Variants in TTC23 observed in about 807,000 individuals in gnomAD.
TTC23 encodes tetratricopeptide repeat protein 23.
TTC23 carries 58 observed loss-of-function variants against 55.1 expected under a neutral mutation model. The observed-to-expected ratio is 1.05, with a 90% CI of 0.85 to 1.31. The LOEUF (loss-of-function observed/expected upper bound fraction) is 1.31. TTC23 is among the 50% of genes most tolerant of loss of function. TTC23 has a pLI of 0.00. For synonymous variants in TTC23, 203 were observed against 199.9 expected (o/e 1.02, Z -0.13); for missense variants, 516 against 534.4 (o/e 0.97, Z 0.34).
At position 99,207,574 on chromosome 15, in the gene TTC23, C is replaced by A. The variant is rs186798546; in HGVS notation, c.582-7478G>T. Among the ~76,000 whole-genome samples, 1,069 of 152,096 alleles carry A rather than the reference C, an allele frequency of 7.0e-3. 9 individuals carry two copies. Among genetic ancestry groups the A allele is most frequent in the African/African-American group, 0.025 (1,037 of 41,508 alleles). ...CAGGAGTTCAAGACCAGCCTGGCCA[C>A]GGTGAAACCCCGTCTCTACTAAAAA... On this transcript the variant is annotated intron_variant, in intron 8 of 13. Transcript: ENST00000394132.
At chr15:99,211,391 A>C (rs530117195) in intron 8 of TTC23, among the ~76,000 whole-genome samples, 15 of 152,232 alleles carry the variant, frequency 9.9e-5, no homozygotes, top group South Asian at 4.1e-4. Flanking sequence ...AACAAACAAA[A>C]AAAAAGAAGA....
At chr15:99,220,634 C>T (rs1033903498) in intron 6 of TTC23, among the ~76,000 whole-genome samples, 2 of 152,144 alleles carry the variant, frequency 1.3e-5, no homozygotes, top group African/African-American at 4.8e-5. Context: ...TCAGATTTGG[C>T]CAAATTTATT....
At chr15:99,209,891 C>T (rs538674883) in intron 8 of TTC23, among the ~76,000 whole-genome samples, 7 of 152,144 alleles carry the variant, frequency 4.6e-5, no homozygotes, top group East Asian at 1.9e-4. Context: ...TATGCTACAA[C>T]GCCTGGCTAA....
intron 8 of TTC23, among the ~76,000 whole-genome samples, chr15:99,216,269 A>G (rs2077467776): frequency 6.6e-6 from 1 of 152,206 alleles, no homozygotes; most frequent in South Asian, 2.1e-4. Context: ...GCTTCATGAT[A>G]AAATATATGG....
intron 12 of TTC23, chr15:99,139,857 G>A: frequency 1.2e-6 from 1 of 853,170 alleles, no homozygotes; most frequent in Non-Finnish European, 1.6e-6. Context: ...TAGTTATTAG[G>A]AACCAAATAT....
rs2151818591 is a variant in TTC23 at position 99,138,018 on chromosome 15, C to CTGTTG, written c.1331_1335dup (p.Ala446GlnfsTer21). Reference sequence around the variant, plus strand: ...TTTTCAGGGTGGGGGCCTCAGTCTGCTGTTGTGCCGGGCCGGGCCTTCCCC... The same window carrying CTGTTG: ...TTTTCAGGGTGGGGGCCTCAGTCTGCTGTTGTGTTGTGCCGGGCCGGGCCTTCCCC... On this transcript the variant is annotated frameshift_variant, in exon 14 of 14. Transcript: ENST00000394132. LOFTEE classifies it high-confidence loss of function. 9 of 1,614,110 alleles carry CTGTTG rather than the reference C, an allele frequency of 5.6e-6. No individual in the cohort carries two copies. The South Asian group carries it at 8.8e-5, about 16-fold the overall frequency.
At chr15:99,187,710 T>C (rs961144081) in intron 9 of TTC23, among the ~76,000 whole-genome samples, 7 of 152,038 alleles carry the variant, frequency 4.6e-5, no homozygotes, top group African/African-American at 1.4e-4. Context: ...CATGAAGATA[T>C]ATAAATGGCC....
At chr15:99,207,617 C>T (rs148724058) in intron 8 of TTC23, among the ~76,000 whole-genome samples, 2,872 of 152,102 alleles carry the variant, frequency 0.019, 87 homozygotes, top group African/African-American at 0.065. Context: ...ATTAGCTGGG[C>T]CTGGTGGCAT....
chr15:99,146,637 T>C (rs1555493460), intron 12 of TTC23, among the ~76,000 whole-genome samples: 1 of 152,236 alleles, frequency 6.6e-6, no homozygotes, highest in Non-Finnish European at 1.5e-5. Flanking sequence ...TCTGAGGCAC[T>C]GTACACTCAC....
chr15:99,244,808 C>G (rs962921663), intron 2 of TTC23, among the ~76,000 whole-genome samples: 2 of 151,846 alleles, frequency 1.3e-5, no homozygotes, highest in African/African-American at 2.4e-5. Context: ...GATGGAAATA[C>G]GAGACTAAGA....
chr15:99,152,231 C>T (rs1043366240), intron 12 of TTC23, among the ~76,000 whole-genome samples: 8 of 152,100 alleles, frequency 5.3e-5, no homozygotes, highest in Non-Finnish European at 8.8e-5. Context: ...TCCCACTTTG[C>T]CTTCTGCCGT....
chr15:99,217,967 C>T (rs930327689), intron 8 of TTC23, among the ~76,000 whole-genome samples: 1 of 152,224 alleles, frequency 6.6e-6, no homozygotes, highest in Admixed American at 6.5e-5. Context: ...CAACACAGAC[C>T]TTTCTCCACC....
intron 6 of TTC23, among the ~76,000 whole-genome samples, 193 bp downstream of exon 6, chr15:99,221,548 T>G (rs1195937411): frequency 6.6e-6 from 1 of 152,194 alleles, no homozygotes; most frequent in African/African-American, 2.4e-5. Context: ...AGTTAAAATA[T>G]TTTTTCCATT....
At chr15:99,211,537 C>T (rs2077041000) in intron 8 of TTC23, among the ~76,000 whole-genome samples, 1 of 152,076 alleles carries the variant, frequency 6.6e-6, no homozygotes, top group African/African-American at 2.4e-5. Context: ...AAGTACAAAA[C>T]CTTAATATGT....
intron 8 of TTC23, among the ~76,000 whole-genome samples, chr15:99,216,429 C>T (rs144789435): frequency 1.5e-4 from 22 of 151,678 alleles, no homozygotes; most frequent in African/African-American, 5.1e-4. Flanking sequence ...TTCTAAGCCA[C>T]GAAGAACACC....
intron 8 of TTC23, among the ~76,000 whole-genome samples, chr15:99,212,648 G>A (rs1479557570): frequency 6.6e-6 from 1 of 152,074 alleles, no homozygotes; most frequent in Non-Finnish European, 1.5e-5. Flanking sequence ...GTTGCGATGG[G>A]CACCATAAAA....
At chr15:99,234,116 G>C (rs974963138) in intron 4 of TTC23, among the ~76,000 whole-genome samples, 3 of 152,090 alleles carry the variant, frequency 2.0e-5, no homozygotes, top group Admixed American at 6.5e-5. Context: ...CCATGCATTA[G>C]GCAAAGCTTT....
chr15:99,228,822 C>G lies in TTC23; in HGVS notation c.-20-90G>C, dbSNP rs533551533. ...CATTTCAACACTATACCCATAATTT[C>G]TTTGAAATTAGTAGCATTATATCCC... is the stretch of plus-strand genomic sequence containing the variant. On this transcript the variant is annotated intron_variant, in intron 4 of 13. Coordinates refer to ENST00000394132, the MANE Select transcript of TTC23 (RefSeq NM_001288615.3). 2.6e-5 allele frequency: 28 copies of G among 1,091,608 alleles called. 1 individual carries two copies. In the African/African-American group the frequency reaches 3.5e-4, roughly 14 times the overall value. The allele number at this position is 1,091,608 out of a possible 1,614,324, so 67.6% of individuals were successfully genotyped here.
At chr15:99,226,808 T>G (rs8029430) in intron 5 of TTC23, among the ~76,000 whole-genome samples, 232 of 152,280 alleles carry the variant, frequency 1.5e-3, no homozygotes, top group African/African-American at 5.5e-3. Flanking sequence ...CTGATCACCC[T>G]ACCCAAGACG....
Sources: allele counts gnomAD v4.1 joint callset (sites outside exome capture counted in the v4.1 genomes callset), GRCh38; gene constraint gnomAD v4.1.1; transcripts MANE v1.5; gene names NCBI Gene and HGNC (gene_info 2026-07-23, HGNC 2026-07-21).